Variants in CTNNA2 observed in about 807,000 individuals in gnomAD.
CTNNA2 encodes the protein catenin alpha-2.
A neutral mutation model predicts 101.0 loss-of-function variants in CTNNA2; 42 were observed. The ratio of observed to expected loss-of-function variants is 0.42; its 90% confidence interval spans 0.32 to 0.54. The LOEUF (loss-of-function observed/expected upper bound fraction) is 0.54, where lower values mean the gene tolerates loss of function less well. CTNNA2 is among the 20% of genes least tolerant of loss of function. The pLI is 0.14. For synonymous variants in CTNNA2, 450 were observed against 456.4 expected, an observed-to-expected ratio of 0.99 and a Z score of 0.18; for missense variants, 871 against 1,223.1, an observed-to-expected ratio of 0.71 and a Z score of 4.29.
intron 11 of CTNNA2, 151 bp from the exon 12 acceptor site, chr2:80,555,542 A>T: frequency 2.3e-6 from 1 of 427,570 alleles, no homozygotes; most frequent in Non-Finnish European, 4.1e-6. Flanking sequence ...TGTTGTAATT[A>T]TAAACTATGT....
In CTNNA2 at chr2:80,454,174, A is replaced by G. The variant is rs184561745; in HGVS notation, c.1290+34573A>G. On this transcript the variant is annotated intron_variant, in intron 9 of 18. Coordinates refer to ENST00000402739, the MANE Select transcript of CTNNA2 (RefSeq NM_001282597.3). ...CTGCTCTAATTATTCTTTATCTTAA[A>G]GTATTACAATTGATTGTATTGAGCA... is the stretch of plus-strand genomic sequence containing the variant. 4.8e-3 allele frequency among the ~76,000 whole-genome samples: 736 copies of G among 152,338 alleles called. 6 individuals are homozygous for G. The highest frequency in any genetic ancestry group is 5.7e-3 in the Non-Finnish European group (389 of 68,032).
At chr2:80,307,614 T>C (rs1170317446) in intron 7 of CTNNA2, among the ~76,000 whole-genome samples, 1 of 152,228 alleles carries the variant, frequency 6.6e-6, no homozygotes, top group Non-Finnish European at 1.5e-5. Flanking sequence ...CAATCTCTTC[T>C]TCCCGGGTGA....
At chr2:79,387,166 C>T (rs1446885883) in intron 4 of CTNNA2, among the ~76,000 whole-genome samples, 1 of 152,150 alleles carries the variant, frequency 6.6e-6, no homozygotes, top group South Asian at 2.1e-4. Context: ...TCTTTAGATT[C>T]CTGGACTAGT....
chr2:79,355,651 T>C (rs1394103501), intron 3 of CTNNA2, among the ~76,000 whole-genome samples: 1 of 152,226 alleles, frequency 6.6e-6, no homozygotes, highest in African/African-American at 2.4e-5. Flanking sequence ...TCTGTGTTTA[T>C]GGATTTACCT....
At chr2:79,611,422 A>G (rs1678264298) in intron 1 of CTNNA2, among the ~76,000 whole-genome samples, 1 of 152,128 alleles carries the variant, frequency 6.6e-6, no homozygotes, top group Non-Finnish European at 1.5e-5. Context: ...GCTTTCGTAC[A>G]ATGAAAAAGA....
intron 7 of CTNNA2, among the ~76,000 whole-genome samples, chr2:80,297,329 A>ACTAG (rs551138046): frequency 4.6e-5 from 7 of 152,106 alleles, no homozygotes; most frequent in Non-Finnish European, 1.0e-4. Flanking sequence ...GCTTCCAATC[A>ACTAG]CTAGCTGGGT....
intron 7 of CTNNA2, among the ~76,000 whole-genome samples, chr2:79,976,056 C>A (rs1690817447): frequency 6.6e-6 from 1 of 152,114 alleles, no homozygotes; most frequent in African/African-American, 2.4e-5. Flanking sequence ...GGATCCCCAG[C>A]CACCTCATTA....
chr2:80,554,078 A>G (rs934377357), intron 11 of CTNNA2, among the ~76,000 whole-genome samples: 11 of 152,328 alleles, frequency 7.2e-5, no homozygotes, highest in Admixed American at 5.2e-4. Flanking sequence ...TGAAGAAATC[A>G]CACTGTATGA....
chr2:79,802,806 T>G (rs1676271280), intron 3 of CTNNA2, among the ~76,000 whole-genome samples: 1 of 152,256 alleles, frequency 6.6e-6, no homozygotes, highest in African/African-American at 2.4e-5. Flanking sequence ...TTGTCAGTTC[T>G]GGGGACAGAA....
intron 2 of CTNNA2, among the ~76,000 whole-genome samples, chr2:79,241,443 A>G (rs1195048252): frequency 6.6e-6 from 1 of 152,206 alleles, no homozygotes. Flanking sequence ...TGAATTCCTG[A>G]GAGAAGCATT....
chr2:79,668,101 G>A (rs896258904), intron 2 of CTNNA2, among the ~76,000 whole-genome samples: 24 of 150,762 alleles, frequency 1.6e-4, no homozygotes, highest in Non-Finnish European at 1.6e-4. Flanking sequence ...TTAGCCGGGC[G>A]CGGTGGCGGG....
chr2:79,292,541 A>C (rs2104382121), intron 2 of CTNNA2, among the ~76,000 whole-genome samples: 1 of 151,316 alleles, frequency 6.6e-6, no homozygotes, highest in East Asian at 1.9e-4. Context: ...TTTCTTTTAG[A>C]ATTTCCATTT....
chr2:80,299,534 T>G (rs2149199412), intron 7 of CTNNA2: 1 of 152,324 alleles, frequency 6.6e-6, no homozygotes, highest in Middle Eastern at 3.4e-3. Flanking sequence ...CATCATTTGC[T>G]CTTAAGCTCC....
At chr2:80,029,356 G>T (rs1695141282) in intron 7 of CTNNA2, 1 of 152,202 alleles carries the variant, frequency 6.6e-6, no homozygotes, top group Non-Finnish European at 1.5e-5. Context: ...CAGGTGAAAG[G>T]GAGGGTGGAA....
intron 3 of CTNNA2, among the ~76,000 whole-genome samples, chr2:79,792,853 C>T (rs532791859): frequency 1.6e-4 from 24 of 152,246 alleles, no homozygotes; most frequent in South Asian, 6.2e-4. Flanking sequence ...ATGATAAAAA[C>T]GTATATATGC....
At chr2:80,277,923 G>A (rs551682112) in intron 7 of CTNNA2, among the ~76,000 whole-genome samples, 8 of 152,108 alleles carry the variant, frequency 5.3e-5, no homozygotes, top group South Asian at 2.1e-4. Flanking sequence ...TACTTTCCCC[G>A]GGTTAAGCCA....
At chr2:79,775,475 T>C (rs1377781124) in intron 3 of CTNNA2, among the ~76,000 whole-genome samples, 2 of 152,164 alleles carry the variant, frequency 1.3e-5, no homozygotes, top group African/African-American at 2.4e-5. Context: ...TTTTAAAATG[T>C]ATTTTAAGTT....
intron 7 of CTNNA2, among the ~76,000 whole-genome samples, chr2:79,913,912 A>C (rs956746288): frequency 3.3e-5 from 5 of 151,690 alleles, no homozygotes; most frequent in Admixed American, 3.3e-4. Flanking sequence ...TCACGCCTGT[A>C]ATCCCAGCAC....
chr2:79,917,118 C>CAA lies in CTNNA2; in HGVS notation c.1056+7321_1056+7322insAA, dbSNP rs543652805. ...GACGGAGTCTTGCTTTGTGGCCAGGCTGTAGTGGAGTGGTGCGATCTCGGC... is the reference window on the plus strand; with the variant it reads ...GACGGAGTCTTGCTTTGTGGCCAGGCAATGTAGTGGAGTGGTGCGATCTCGGC... On this transcript the variant is annotated intron_variant, in intron 7 of 18. Transcript: ENST00000402739. Among the ~76,000 whole-genome samples the CAA allele has an allele frequency of 2.8e-4, 42 of 151,804 alleles. No homozygotes were observed. In the East Asian group the frequency reaches 5.3e-3, roughly 19 times the overall value.
Sources: gnomAD v4.1 joint callset for allele counts (sites outside exome capture counted in the v4.1 genomes callset) on GRCh38, gnomAD v4.1.1 for gene constraint, MANE v1.5 for transcripts, NCBI Gene and HGNC (gene_info 2026-07-23, HGNC 2026-07-21) for gene names.